DIAPH2: variants seen among roughly 807,000 people sequenced by gnomAD.
DIAPH2 encodes diaphanous related formin 2, also known as protein diaphanous homolog 2.
Under a neutral mutation model 92.7 loss-of-function variants are expected in DIAPH2, and 35 were observed. That is an observed-to-expected ratio of 0.38 (90% CI 0.29 to 0.50). The LOEUF (loss-of-function observed/expected upper bound fraction) is 0.50. Ranked by LOEUF, DIAPH2 falls within the 20% of genes least tolerant of loss-of-function variation. The pLI is 0.94. For missense variants in DIAPH2, 701 were observed against 819.5 expected (o/e 0.86, Z 1.77); for synonymous variants, 301 against 280.4 (o/e 1.07, Z -0.73).
At chrX:97,048,825 G>A in intron 17 of DIAPH2, among the ~76,000 whole-genome samples, 1 of 110,759 alleles carries the variant, frequency 9.0e-6, no homozygotes, top group Non-Finnish European at 1.9e-5. Flanking sequence ...TTACTGCAAT[G>A]CATTACTTGG....
In DIAPH2 at chrX:97,149,052, T is replaced by C. The variant is rs769880867; in HGVS notation, c.2719+7258T>C. ...TGAAATGTAACTAACTGCTGAAACA[T>C]CTATGTTTAATACCTGAAAAAAAAA... is the stretch of plus-strand genomic sequence containing the variant. On this transcript the variant is annotated intron_variant, in intron 22 of 26. Coordinates refer to ENST00000324765, the MANE Select transcript of DIAPH2 (RefSeq NM_006729.5). Among the ~76,000 whole-genome samples, 4 of 110,387 alleles carry C rather than the reference T, an allele frequency of 3.6e-5. No individual in the cohort carries two copies. The East Asian group carries it at 1.1e-3, about 31-fold the overall frequency.
chrX:97,133,495 C>G (rs1221773699), intron 21 of DIAPH2, among the ~76,000 whole-genome samples: 1 of 111,199 alleles, frequency 9.0e-6, no homozygotes, highest in Non-Finnish European at 1.9e-5. Context: ...CCAAGTTGGT[C>G]AGGCTGGTCT....
At chrX:96,991,545 T>TTC (rs1373068118) in intron 17 of DIAPH2, among the ~76,000 whole-genome samples, 2 of 106,679 alleles carry the variant, frequency 1.9e-5, no homozygotes, top group Admixed American at 2.0e-4. Context: ...TGGTGTTTTT[T>TTC]TTTTTTTTTT....
intron 1 of DIAPH2, among the ~76,000 whole-genome samples, chrX:96,715,940 C>G (rs1446054712): frequency 9.3e-6 from 1 of 107,677 alleles, no homozygotes; most frequent in Non-Finnish European, 1.9e-5. Context: ...AGTATCCTTC[C>G]AAAACAAAAG....
intron 22 of DIAPH2, among the ~76,000 whole-genome samples, chrX:97,193,012 C>CTTTTCTTTTTTTTTTTTTT (rs1256888466): frequency 1.2e-5 from 1 of 86,590 alleles, no homozygotes; most frequent in African/African-American, 5.1e-5. Flanking sequence ...TTTTTCTTTT[C>CTTTTCTTTTTTTTTTTTTT]TTTTTTTTTT....
In DIAPH2 at chrX:97,335,768, A is replaced by G. The variant is rs1306988588; in HGVS notation, c.2845-12348A>G. ...TCTATGCTTCATTTAAATTAGTCTGAGAGTTTTTGGTTGTTGTTAGTGTGT... is the reference window on the plus strand; with the variant it reads ...TCTATGCTTCATTTAAATTAGTCTGGGAGTTTTTGGTTGTTGTTAGTGTGT... On this transcript the variant is annotated intron_variant, in intron 23 of 26. Coordinates refer to ENST00000324765, the MANE Select transcript of DIAPH2 (RefSeq NM_006729.5). Among the ~76,000 whole-genome samples, 5 of 111,725 alleles carry G rather than the reference A, an allele frequency of 4.5e-5. No homozygotes were observed. In the Admixed American group the frequency reaches 4.8e-4, roughly 11 times the overall value.
At chrX:96,981,543 A>G (rs974333565) in intron 17 of DIAPH2, among the ~76,000 whole-genome samples, 3 of 112,207 alleles carry the variant, frequency 2.7e-5, no homozygotes, top group Non-Finnish European at 3.8e-5. Context: ...TGCCTTCACT[A>G]TATGCCAGGT....
intron 23 of DIAPH2, among the ~76,000 whole-genome samples, chrX:97,259,898 C>T (rs1003614639): frequency 2.7e-5 from 3 of 112,055 alleles, no homozygotes; most frequent in Non-Finnish European, 5.6e-5. Flanking sequence ...GGAGTGGTCT[C>T]GGCTCACTAC....
At chrX:97,075,743 G>T (rs778361679) in intron 19 of DIAPH2, among the ~76,000 whole-genome samples, 3 of 111,563 alleles carry the variant, frequency 2.7e-5, no homozygotes, top group African/African-American at 9.8e-5. Flanking sequence ...GCTGATTATG[G>T]CTAGCACTTT....
intron 4 of DIAPH2, among the ~76,000 whole-genome samples, chrX:96,850,889 G>A (rs1403672839): frequency 3.6e-5 from 4 of 111,835 alleles, no homozygotes; most frequent in Non-Finnish European, 5.6e-5. Context: ...ACAAACTTCA[G>A]TAAAGAGAGT....
At chrX:97,234,803 T>A (rs1267422025) in intron 22 of DIAPH2, among the ~76,000 whole-genome samples, 1 of 112,198 alleles carries the variant, frequency 8.9e-6, no homozygotes, top group African/African-American at 3.2e-5. Context: ...CAGCTAGATA[T>A]GGCCTGCAGA....
chrX:96,808,893 T>C (rs1396960342), intron 4 of DIAPH2, among the ~76,000 whole-genome samples: 2 of 111,888 alleles, frequency 1.8e-5, no homozygotes, highest in African/African-American at 6.5e-5. Flanking sequence ...TTGTATCCTT[T>C]TTCTCCACTC....
In DIAPH2 at chrX:97,389,407, A is replaced by T. The variant is rs768680148; in HGVS notation, c.3145+5363A>T. ...CTTGAACCCGGGGGGCAGAAGTTGC[A>T]GTGAGCCGAGATCACGCCACTGCAC... On this transcript the variant is annotated intron_variant, in intron 25 of 26. Transcript: ENST00000324765. Among the ~76,000 whole-genome samples the T allele has an allele frequency of 2.9e-5, 3 of 102,727 alleles. No homozygotes were observed. The East Asian group carries it at 9.5e-4, about 33-fold the overall frequency. 89.2% of individuals were successfully genotyped at this position (102,727 alleles called of 115,157 possible).
At chrX:97,028,419 T>C (rs984482650) in intron 17 of DIAPH2, among the ~76,000 whole-genome samples, 144 of 111,664 alleles carry the variant, frequency 1.3e-3, no homozygotes, top group African/African-American at 4.6e-3. Context: ...TGTTTTTGTT[T>C]TTCAAGAAAC....
At position 97,429,639 on chromosome X, in the gene DIAPH2, C is replaced by G; in HGVS notation, c.3146-11C>G. The G allele has an allele frequency of 8.3e-7, 1 of 1,200,441 alleles. No individual in the cohort carries two copies. The highest frequency in any genetic ancestry group is 1.1e-6 in the Non-Finnish European group (1 of 891,669). On this transcript the variant is annotated splice_polypyrimidine_tract_variant and intron_variant, in intron 25 of 26. Transcript: ENST00000324765. Reference sequence around the variant, plus strand: ...GCTCCAAGATTAATTCTGATTTCTCCCTTTCTCCAGAGGGTGATGAGACTG... The same window carrying G: ...GCTCCAAGATTAATTCTGATTTCTCGCTTTCTCCAGAGGGTGATGAGACTG...
chrX:97,559,548 TCA>T (rs901592870), intron 26 of DIAPH2, among the ~76,000 whole-genome samples: 1 of 109,936 alleles, frequency 9.1e-6, no homozygotes, highest in African/African-American at 3.3e-5. Flanking sequence ...TCACCACAAC[TCA>T]CAGTCTTTAC....
rs20374 is a variant in DIAPH2 at position 96,738,667 on chromosome X, G to C, written c.247G>C (p.Ala83Pro). The change falls in exon 3 of 27, where the codon GCG becomes CCG. Residue 83 changes from alanine to proline, a missense_variant. Transcript: ENST00000324765. The part of the protein sequence containing the change: ...LIQHPIDSQV[A>P]MSEFPAAQPL... ...TCAACATCCTATTGATTCTCAAGTC[G>C]CGATGAGTGAGTTTCCTGCAGCTCA... The C allele has an allele frequency of 8.3e-7, 1 of 1,207,175 alleles. No homozygotes were observed. The highest frequency in any genetic ancestry group is 2.2e-5 in the Admixed American group (1 of 45,835).
intron 26 of DIAPH2, among the ~76,000 whole-genome samples, chrX:97,473,417 C>T: frequency 9.0e-6 from 1 of 111,638 alleles, no homozygotes; most frequent in East Asian, 2.9e-4. Flanking sequence ...TCACTGCAAC[C>T]TCCGCCCCCT....
chrX:96,807,137 G>A (rs1303546630), intron 4 of DIAPH2, among the ~76,000 whole-genome samples: 2 of 112,121 alleles, frequency 1.8e-5, no homozygotes, highest in Non-Finnish European at 3.8e-5. Context: ...AACAAAGAAG[G>A]ATAGGCATAG....
Sources: gnomAD v4.1 joint callset for allele counts (sites outside exome capture counted in the v4.1 genomes callset) on GRCh38, gnomAD v4.1.1 for gene constraint, MANE v1.5 for transcripts, NCBI Gene and HGNC (gene_info 2026-07-23, HGNC 2026-07-21) for gene names.